Variants in JAK2 observed in about 807,000 individuals in gnomAD.
The protein encoded by JAK2 is Janus kinase 2, also known as tyrosine-protein kinase JAK2.
Under a neutral mutation model 139.3 loss-of-function variants are expected in JAK2, and 86 were observed. The observed-to-expected ratio is 0.62, with a 90% CI of 0.52 to 0.74. The LOEUF is 0.74. JAK2 is among the 30% of genes least tolerant of loss of function. The pLI is 0.00. For synonymous variants in JAK2, 490 were observed against 437.7 expected (o/e 1.12, Z -1.49); for missense variants, 1,421 against 1,360.3 (o/e 1.04, Z -0.70).
intron 4 of JAK2, among the ~76,000 whole-genome samples, chr9:5,034,660 G>A (rs1376215572): frequency 4.6e-5 from 7 of 151,936 alleles, no homozygotes; most frequent in African/African-American, 1.7e-4. Flanking sequence ...ACGAAATGAC[G>A]GCAGAAATAA....
intron 8 of JAK2, among the ~76,000 whole-genome samples, chr9:5,058,754 T>G (rs1487068896): frequency 2.0e-5 from 3 of 152,196 alleles, no homozygotes; most frequent in Non-Finnish European, 2.9e-5. Context: ...AAGTAGTATC[T>G]CATTGTGATT....
intron 4 of JAK2, among the ~76,000 whole-genome samples, chr9:5,034,911 A>C (rs141666790): frequency 0.086 from 13,046 of 152,236 alleles, 1,672 homozygotes; most frequent in African/African-American, 0.28. Flanking sequence ...GGACATAGAG[A>C]GACAAAAAAC....
chr9:5,010,600 G>A (rs1250467927), intron 2 of JAK2, among the ~76,000 whole-genome samples: 2 of 152,186 alleles, frequency 1.3e-5, no homozygotes, highest in African/African-American at 2.4e-5. Flanking sequence ...GATTACAGGC[G>A]TGGGCCACCA....
Position 5,116,154 on chromosome 9 carries a change from G to A in JAK2, c.3060-6850G>A, listed in dbSNP as rs1823154638. ...TCATTTAATCCTCATAACAACCCTTGGAGAACATGTATGATTATTATCTCT... is the reference window on the plus strand; with the variant it reads ...TCATTTAATCCTCATAACAACCCTTAGAGAACATGTATGATTATTATCTCT... On this transcript the variant is annotated intron_variant, in intron 22 of 24. Coordinates refer to ENST00000381652, the MANE Select transcript of JAK2 (RefSeq NM_004972.4). 1.3e-5 allele frequency among the ~76,000 whole-genome samples: 2 copies of A among 151,942 alleles called. 1 individual carries two copies. The highest frequency in any genetic ancestry group is 4.2e-4 in the South Asian group (2 of 4,816).
At chr9:5,048,895 T>C (rs566447251) in intron 5 of JAK2, among the ~76,000 whole-genome samples, 1 of 152,318 alleles carries the variant, frequency 6.6e-6, no homozygotes, top group Non-Finnish European at 1.5e-5. Flanking sequence ...TTAGGTAATA[T>C]GGCTCTTACC....
At chr9:5,105,588 AAAG>A (rs1018181691) in intron 22 of JAK2, among the ~76,000 whole-genome samples, 8 of 152,204 alleles carry the variant, frequency 5.3e-5, no homozygotes, top group Non-Finnish European at 8.8e-5. Context: ...TGGAACCAAA[AAAG>A]AGCCTGCATT....
chr9:5,086,146 A>G (rs561258285), intron 19 of JAK2: 9 of 357,650 alleles, frequency 2.5e-5, no homozygotes, highest in Middle Eastern at 9.9e-4. Flanking sequence ...CGGCCCCGCA[A>G]GGCTCGGGGA....
At chr9:5,110,788 G>A in intron 22 of JAK2, 1 of 406,478 alleles carries the variant, frequency 2.5e-6, no homozygotes, top group Non-Finnish European at 4.7e-6. Flanking sequence ...AAGGGCCCGG[G>A]CCACGCGCGA....
rs573685524 is a variant in JAK2 at position 4,989,206 on chromosome 9, C to G, written c.-26+3184C>G. Among the ~76,000 whole-genome samples the G allele has an allele frequency of 4.6e-5, 7 of 152,288 alleles. No individual in the cohort carries two copies. The East Asian group carries it at 1.3e-3, about 29-fold the overall frequency. ...GTCTTTTGTCTAAGGATCTCTAGTC[C>G]TTAAGCTTGTAAGCTGATTTCCACA... On this transcript the variant is annotated intron_variant, in intron 2 of 24. Coordinates refer to ENST00000381652, the MANE Select transcript of JAK2 (RefSeq NM_004972.4).
In JAK2 at chr9:5,072,599, G is replaced by A. The variant is rs1200939825; in HGVS notation, c.1749G>A (p.Leu583=). The A allele has an allele frequency of 6.2e-7, 1 of 1,608,242 alleles. No homozygotes were observed. The highest frequency in any genetic ancestry group is 1.7e-5 in the Admixed American group (1 of 59,726). The change falls in exon 13 of 25, where the codon CTG becomes CTA. Residue 583 remains leucine, a synonymous_variant. Transcript: ENST00000381652. ...AAACAGAAGTTCTTTTAAAAGTTCT[G>A]GATAAAGCACACAGAAACTATTCAG... ...LHETEVLLKV[L]DKAHRNYSES...
At chr9:5,106,612 G>C (rs1327335477) in intron 22 of JAK2, among the ~76,000 whole-genome samples, 2 of 152,298 alleles carry the variant, frequency 1.3e-5, no homozygotes, top group East Asian at 1.9e-4. Flanking sequence ...TATGTTTACT[G>C]TGGCACTATT....
chr9:5,017,823 C>T (rs1436786245), intron 2 of JAK2, among the ~76,000 whole-genome samples: 4 of 152,156 alleles, frequency 2.6e-5, no homozygotes, highest in Non-Finnish European at 5.9e-5. Context: ...TGTTTTGATA[C>T]ATTAGAAGTT....
chr9:4,997,931 C>T (rs1820677262), intron 2 of JAK2, among the ~76,000 whole-genome samples: 1 of 151,562 alleles, frequency 6.6e-6, no homozygotes, highest in East Asian at 1.9e-4. Context: ...TTTTTTTAAT[C>T]TGAATGCATT....
At chr9:5,019,098 C>G (rs368197168) in intron 2 of JAK2, among the ~76,000 whole-genome samples, 15 of 152,218 alleles carry the variant, frequency 9.9e-5, no homozygotes, top group African/African-American at 3.4e-4. Flanking sequence ...GTCTAAATCT[C>G]TTGATATACT....
intron 22 of JAK2, chr9:5,109,987 A>G (rs936247129): frequency 6.6e-6 from 1 of 152,188 alleles, no homozygotes; most frequent in Non-Finnish European, 1.5e-5. Context: ...GTCCTGCACA[A>G]TCGCATCGGC....
intron 2 of JAK2, among the ~76,000 whole-genome samples, chr9:5,021,074 T>C (rs901797442): frequency 4.6e-5 from 7 of 152,090 alleles, no homozygotes; most frequent in Non-Finnish European, 8.8e-5. Flanking sequence ...GAGTTTGCAG[T>C]GAAAATGTGG....
At chr9:5,051,157 T>TAA (rs905414334) in intron 6 of JAK2, among the ~76,000 whole-genome samples, 1 of 152,138 alleles carries the variant, frequency 6.6e-6, no homozygotes, top group Non-Finnish European at 1.5e-5. Context: ...CAACCTATAA[T>TAA]AAAAAATCAT....
chr9:5,098,454 C>T (rs558406584), intron 22 of JAK2: 1 of 152,130 alleles, frequency 6.6e-6, no homozygotes, highest in Non-Finnish European at 1.5e-5. Context: ...GTTCCTGGTT[C>T]TATACATTAT....
chr9:5,111,247 G>C, intron 22 of JAK2: 1 of 539,830 alleles, frequency 1.9e-6, no homozygotes, highest in Non-Finnish European at 3.5e-6. Context: ...TCCTTTGGTA[G>C]AGACGCAGGC....
Sources: allele counts gnomAD v4.1 joint callset (sites outside exome capture counted in the v4.1 genomes callset), GRCh38; gene constraint gnomAD v4.1.1; transcripts MANE v1.5; gene names NCBI Gene and HGNC (gene_info 2026-07-23, HGNC 2026-07-21).